Variants in EFNA5 observed in about 807,000 individuals in gnomAD.
EFNA5 encodes ephrin A5, also known as ephrin-A5.
EFNA5 carries 5 observed loss-of-function variants against 22.9 expected under a neutral mutation model. That is an observed-to-expected ratio of 0.22 (90% confidence interval 0.11 to 0.46). The LOEUF is 0.46. Ranked by LOEUF, EFNA5 falls within the 20% of genes least tolerant of loss-of-function variation. The pLI is 0.99. For missense variants in EFNA5, 237 were observed against 293.3 expected (o/e 0.81, Z 1.40); for synonymous variants, 113 against 112.2 (o/e 1.01, Z -0.04).
chr5:107,462,584 T>C (rs1460272970), intron 1 of EFNA5, among the ~76,000 whole-genome samples: 1 of 152,108 alleles, frequency 6.6e-6, no homozygotes, highest in African/African-American at 2.4e-5. Context: ...ATTAAGTCAC[T>C]AGTCCAATGG....
chr5:107,549,278 T>G (rs552122646), intron 1 of EFNA5, among the ~76,000 whole-genome samples: 1 of 152,346 alleles, frequency 6.6e-6, no homozygotes, highest in Admixed American at 6.5e-5. Flanking sequence ...TTTAAATATA[T>G]AGGCACCTCA....
In EFNA5 at chr5:107,632,723, C is replaced by G. The variant is rs189984119; in HGVS notation, c.125+37766G>C. Among the ~76,000 whole-genome samples, 39 of 152,324 alleles carry G rather than the reference C, an allele frequency of 2.6e-4. 1 individual carries two copies. Among genetic ancestry groups the G allele is most frequent in the Non-Finnish European group, 5.4e-4 (37 of 68,030 alleles). On this transcript the variant is annotated intron_variant, in intron 1 of 4. Transcript: ENST00000333274. Reference sequence around the variant, plus strand: ...CATCTCCTTGCCTCTCCTTAGCAAGCCTATAACAGAAAATTCAGAGGCTGT... The same window carrying G: ...CATCTCCTTGCCTCTCCTTAGCAAGGCTATAACAGAAAATTCAGAGGCTGT...
intron 1 of EFNA5, among the ~76,000 whole-genome samples, chr5:107,656,954 C>G (rs1257056431): frequency 6.6e-6 from 1 of 151,976 alleles, no homozygotes; most frequent in Non-Finnish European, 1.5e-5. Flanking sequence ...AACACCCAAA[C>G]AAATTTAAAG....
intron 1 of EFNA5, among the ~76,000 whole-genome samples, chr5:107,580,680 C>T (rs1329814898): frequency 8.9e-5 from 13 of 145,562 alleles, no homozygotes; most frequent in African/African-American, 3.4e-4. Flanking sequence ...CCGAGATGCG[C>T]CACTACACTC....
chr5:107,399,327 A>AAGGAAAGGAAAGGAG (rs1748022438), intron 2 of EFNA5, among the ~76,000 whole-genome samples: 2 of 141,986 alleles, frequency 1.4e-5, no homozygotes, highest in Non-Finnish European at 3.1e-5. Flanking sequence ...ACGGAAAGGA[A>AAGGAAAGGAAAGGAG]AGGAAAGGAA....
At chr5:107,509,901 G>A (rs910673144) in intron 1 of EFNA5, among the ~76,000 whole-genome samples, 10 of 152,072 alleles carry the variant, frequency 6.6e-5, no homozygotes, top group Non-Finnish European at 1.0e-4. Flanking sequence ...AAATGATTAC[G>A]CCATTAGTTA....
At chr5:107,611,090 G>A (rs1749812890) in intron 1 of EFNA5, among the ~76,000 whole-genome samples, 1 of 151,980 alleles carries the variant, frequency 6.6e-6, no homozygotes, top group South Asian at 2.1e-4. Flanking sequence ...ACATGAAAGT[G>A]GGGCAATGAC....
intron 1 of EFNA5, among the ~76,000 whole-genome samples, chr5:107,452,774 T>C (rs1749594388): frequency 6.6e-6 from 1 of 152,158 alleles, no homozygotes; most frequent in African/African-American, 2.4e-5. Flanking sequence ...TTATTATATC[T>C]TATGTTTTAA....
At chr5:107,544,606 C>G (rs1326894614) in intron 1 of EFNA5, among the ~76,000 whole-genome samples, 1 of 152,182 alleles carries the variant, frequency 6.6e-6, no homozygotes, top group Non-Finnish European at 1.5e-5. Flanking sequence ...TCAGAGCCAA[C>G]ATAAACACTT....
chr5:107,448,556 C>T (rs1749457731), intron 1 of EFNA5, among the ~76,000 whole-genome samples: 1 of 152,012 alleles, frequency 6.6e-6, no homozygotes, highest in Non-Finnish European at 1.5e-5. Flanking sequence ...CAGGGCTGGG[C>T]GCAGTGGCTC....
chr5:107,527,355 C>G (rs1258854897), intron 1 of EFNA5, among the ~76,000 whole-genome samples: 1 of 150,546 alleles, frequency 6.6e-6, no homozygotes. Flanking sequence ...GGCGCAATCT[C>G]GGCTCACTGC....
intron 1 of EFNA5, among the ~76,000 whole-genome samples, chr5:107,585,424 G>A (rs147001582): frequency 6.6e-6 from 1 of 152,202 alleles, no homozygotes. Context: ...CAGGAAAGCA[G>A]TTTGGGGATC....
intron 2 of EFNA5, among the ~76,000 whole-genome samples, chr5:107,390,841 T>C (rs1015707822): frequency 3.9e-5 from 6 of 152,228 alleles, no homozygotes; most frequent in Admixed American, 3.3e-4. Context: ...TGCAGCTTCA[T>C]CTATCATTTC....
intron 1 of EFNA5, among the ~76,000 whole-genome samples, chr5:107,595,186 T>C (rs935549109): frequency 6.6e-5 from 10 of 152,090 alleles, no homozygotes; most frequent in African/African-American, 2.2e-4. Context: ...TTTGAGAATA[T>C]GGTAATAAGT....
At chr5:107,595,958 A>G (rs1247221346) in intron 1 of EFNA5, among the ~76,000 whole-genome samples, 1 of 152,246 alleles carries the variant, frequency 6.6e-6, no homozygotes, top group African/African-American at 2.4e-5. Flanking sequence ...AATAAGCAAA[A>G]GGCTTACATT....
intron 1 of EFNA5, among the ~76,000 whole-genome samples, chr5:107,506,428 ATAAAGGTTACCT>A (rs1207232821): frequency 6.6e-6 from 1 of 152,240 alleles, no homozygotes; most frequent in Non-Finnish European, 1.5e-5. Flanking sequence ...GCAAATAAGA[ATAAAGGTTACCT>A]TAGCAAAGGT....
At chr5:107,442,923 A>C (rs1007887093) in intron 1 of EFNA5, among the ~76,000 whole-genome samples, 2 of 130,302 alleles carry the variant, frequency 1.5e-5, no homozygotes, top group East Asian at 5.0e-4. Flanking sequence ...AAAGTTCCCC[A>C]GGTACTAAAA....
intron 1 of EFNA5, among the ~76,000 whole-genome samples, chr5:107,434,606 A>G (rs152611): frequency 0.25 from 37,701 of 152,186 alleles, 4,950 homozygotes; most frequent in East Asian, 0.53. Context: ...ACAGCAGAGA[A>G]CCTGCTTCCA....
At position 107,670,781 on chromosome 5, in the gene EFNA5, G is replaced by T; in HGVS notation, c.-168C>A. 1 of 885,414 alleles carries T rather than the reference G, an allele frequency of 1.1e-6. No homozygotes were observed. The highest frequency in any genetic ancestry group is 1.7e-6 in the Non-Finnish European group (1 of 594,744). 54.8% of individuals were successfully genotyped at this position (885,414 alleles called of 1,614,324 possible). ...GGAAAGAGGCGCCCACCAAGCTGGG[G>T]AGGGGTAGGAGAGCGAGAAGAAAAG... On this transcript the variant is annotated 5_prime_UTR_variant, in exon 1 of 5. Coordinates refer to ENST00000333274, the MANE Select transcript of EFNA5 (RefSeq NM_001962.3).
Sources: gnomAD v4.1 joint callset for allele counts (sites outside exome capture counted in the v4.1 genomes callset) on GRCh38, gnomAD v4.1.1 for gene constraint, MANE v1.5 for transcripts, NCBI Gene and HGNC (gene_info 2026-07-23, HGNC 2026-07-21) for gene names.